ZNF385D: variants seen among roughly 807,000 people sequenced by gnomAD.
ZNF385D encodes zinc finger protein 385D.
ZNF385D carries 15 observed loss-of-function variants against 35.8 expected under a neutral mutation model. The ratio of observed to expected loss-of-function variants is 0.42; its 90% CI spans 0.28 to 0.64. ZNF385D has a LOEUF of 0.64. ZNF385D is among the 30% of genes least tolerant of loss of function. ZNF385D has a pLI of 0.23. For synonymous variants in ZNF385D, 212 were observed against 186.8 expected, an observed-to-expected ratio of 1.13 and a Z score of -1.10; for missense variants, 474 against 494.6, an observed-to-expected ratio of 0.96 and a Z score of 0.39.
At chr3:21,731,973 C>T (rs1426766498) in intron 1 of ZNF385D, among the ~76,000 whole-genome samples, 8 of 144,652 alleles carry the variant, frequency 5.5e-5, no homozygotes, top group African/African-American at 2.1e-4. Context: ...TTAGTTGCTT[C>T]CAAGTTTTGG....
chr3:22,009,156 T>C (rs185552229), intron 3 of ZNF385D, among the ~76,000 whole-genome samples: 1 of 152,230 alleles, frequency 6.6e-6, no homozygotes, highest in Admixed American at 6.5e-5. Flanking sequence ...AACCTAGCAA[T>C]ATCCAGTAAT....
chr3:22,271,747 C>T (rs1401548169), intron 2 of ZNF385D, among the ~76,000 whole-genome samples: 1 of 151,938 alleles, frequency 6.6e-6, no homozygotes, highest in Non-Finnish European at 1.5e-5. Context: ...TCCTCCGTAA[C>T]CCCTCCCATC....
intron 2 of ZNF385D, among the ~76,000 whole-genome samples, chr3:21,615,816 G>GTGTGTGTGTGTGTGTGTGTT (rs1375406249): frequency 2.0e-5 from 3 of 151,202 alleles, no homozygotes; most frequent in African/African-American, 7.3e-5. Context: ...GTGTGTGTGT[G>GTGTGTGTGTGTGTGTGTGTT]TTTACTGGTT....
chr3:21,939,393 C>G (rs1287770467), intron 3 of ZNF385D, among the ~76,000 whole-genome samples: 1 of 152,036 alleles, frequency 6.6e-6, no homozygotes, highest in South Asian at 2.1e-4. Flanking sequence ...AAAATGGAAT[C>G]AAAACATAGT....
intron 3 of ZNF385D, among the ~76,000 whole-genome samples, chr3:21,535,663 C>G (rs1018035734): frequency 4.6e-5 from 7 of 151,878 alleles, no homozygotes; most frequent in Non-Finnish European, 8.8e-5. Flanking sequence ...TTCAGCTTGG[C>G]TCTTTGGGTA....
intron 2 of ZNF385D, among the ~76,000 whole-genome samples, chr3:21,630,055 T>C (rs2065238259): frequency 6.6e-6 from 1 of 152,154 alleles, no homozygotes; most frequent in South Asian, 2.1e-4. Flanking sequence ...AAGTTTATTT[T>C]ATTATTATCA....
intron 2 of ZNF385D, among the ~76,000 whole-genome samples, chr3:22,289,439 C>G (rs184616223): frequency 1.3e-5 from 2 of 152,236 alleles, no homozygotes; most frequent in East Asian, 3.9e-4. Flanking sequence ...CAAGAAGTAA[C>G]CAAAATCTCA....
chr3:22,073,075 G>C (rs1442362181), intron 3 of ZNF385D, among the ~76,000 whole-genome samples: 3 of 151,926 alleles, frequency 2.0e-5, no homozygotes, highest in Non-Finnish European at 4.4e-5. Flanking sequence ...TCTTCAGAAG[G>C]AAAAATGTAG....
chr3:22,127,655 A>G (rs1240169372), intron 3 of ZNF385D, among the ~76,000 whole-genome samples: 5 of 151,820 alleles, frequency 3.3e-5, no homozygotes, highest in African/African-American at 1.2e-4. Flanking sequence ...TGTTTTCTTG[A>G]TTTGAAATTC....
At chr3:22,284,985 A>G (rs1270436415) in intron 2 of ZNF385D, among the ~76,000 whole-genome samples, 3 of 152,100 alleles carry the variant, frequency 2.0e-5, no homozygotes, top group Non-Finnish European at 4.4e-5. Flanking sequence ...ATAAGCAAAG[A>G]GGAGAAAAAG....
chr3:21,555,902 A>G (rs2062716908), intron 3 of ZNF385D, among the ~76,000 whole-genome samples: 1 of 152,122 alleles, frequency 6.6e-6, no homozygotes, highest in Admixed American at 6.5e-5. Flanking sequence ...AATGCTTGCC[A>G]TTCTAACTGG....
chr3:22,316,209 CCTA>C (rs1232480372), intron 2 of ZNF385D, among the ~76,000 whole-genome samples: 6 of 152,158 alleles, frequency 3.9e-5, no homozygotes, highest in Admixed American at 3.9e-4. Context: ...GCACACATTC[CCTA>C]CTGCCTGCCA....
chr3:21,808,164 TATAGG>T (rs1240749234), intron 3 of ZNF385D, among the ~76,000 whole-genome samples: 3 of 152,272 alleles, frequency 2.0e-5, no homozygotes, highest in Admixed American at 6.5e-5. Context: ...AATCCTTTAG[TATAGG>T]ATAAGAAAAT....
At chr3:21,941,239 T>C (rs747619376) in intron 3 of ZNF385D, among the ~76,000 whole-genome samples, 2 of 152,178 alleles carry the variant, frequency 1.3e-5, no homozygotes, top group Non-Finnish European at 2.9e-5. Context: ...ATGGAATTTA[T>C]ATGTTACTAT....
intron 2 of ZNF385D, among the ~76,000 whole-genome samples, chr3:22,182,841 CAATAGAG>C (rs1695372381): frequency 6.6e-6 from 1 of 151,764 alleles, no homozygotes; most frequent in Non-Finnish European, 1.5e-5. Context: ...TATACATATA[CAATAGAG>C]ATTTTTTTCA....
chr3:21,731,732 G>A (rs1427388117), intron 1 of ZNF385D, among the ~76,000 whole-genome samples: 1 of 152,072 alleles, frequency 6.6e-6, no homozygotes, highest in Non-Finnish European at 1.5e-5. Flanking sequence ...TAGAAAAAAA[G>A]CCACACATAA....
chr3:21,736,365 T>C, intron 1 of ZNF385D, among the ~76,000 whole-genome samples: 1 of 152,186 alleles, frequency 6.6e-6, no homozygotes, highest in South Asian at 2.1e-4. Context: ...ATAAAAATTA[T>C]TTTTTTAAAA....
At chr3:21,743,987 T>A (rs963911482) in intron 1 of ZNF385D, among the ~76,000 whole-genome samples, 2 of 152,282 alleles carry the variant, frequency 1.3e-5, no homozygotes, top group South Asian at 4.1e-4. Context: ...CTGGAGAATG[T>A]TTTCAAGTAT....
intron 3 of ZNF385D, among the ~76,000 whole-genome samples, chr3:21,994,311 G>A (rs529220169): frequency 6.6e-6 from 1 of 152,300 alleles, no homozygotes; most frequent in East Asian, 1.9e-4. Flanking sequence ...TTATGCCAAA[G>A]TGTTAATCCT....
Sources: gnomAD v4.1 joint callset for allele counts (sites outside exome capture counted in the v4.1 genomes callset) on GRCh38, gnomAD v4.1.1 for gene constraint, MANE v1.5 for transcripts, NCBI Gene and HGNC (gene_info 2026-07-23, HGNC 2026-07-21) for gene names.